The following FBXO25 variants were observed in gnomAD, a reference collection of about 807,000 sequenced individuals.
FBXO25 encodes the protein F-box only protein 25.
In FBXO25, 45 loss-of-function variants were observed where a neutral mutation model predicts 51.9. That is an observed-to-expected ratio of 0.87 (90% CI 0.68 to 1.11). The LOEUF is 1.11. Among genes scored for constraint, FBXO25 ranks in the 50% most tolerant of loss-of-function variants. The pLI is 0.00. For missense variants in FBXO25, 507 were observed against 428.5 expected (o/e 1.18, Z -1.62); for synonymous variants, 199 against 151.0 (o/e 1.32, Z -2.33).
At chr8:416,858 G>A (rs962276057) in intron 2 of FBXO25, among the ~76,000 whole-genome samples, 2 of 152,238 alleles carry the variant, frequency 1.3e-5, no homozygotes, top group Non-Finnish European at 2.9e-5. Flanking sequence ...CAGATAGGCA[G>A]TGGACAAGAT....
At chr8:454,141 G>A (rs1273547711) in intron 7 of FBXO25, among the ~76,000 whole-genome samples, 4 of 152,126 alleles carry the variant, frequency 2.6e-5, no homozygotes, top group South Asian at 4.1e-4. Flanking sequence ...GAAATACCTC[G>A]ACACCCCTTA....
At chr8:428,258 G>C (rs1256333677) in intron 2 of FBXO25, among the ~76,000 whole-genome samples, 1 of 152,148 alleles carries the variant, frequency 6.6e-6, no homozygotes, top group East Asian at 1.9e-4. Context: ...TTGCTAGCAA[G>C]GGGGTGACGT....
chr8:476,725 G>C lies in FBXO25; in HGVS notation c.*7921G>C, dbSNP rs1287032781. The stretch of plus-strand genomic sequence containing the variant: ...TCCTGGTTTTTAGTTGTTTTTCTTA[G>C]TCACTCTTAGCTATCAACAAACTCT... On this transcript the variant is annotated 3_prime_UTR_variant, in exon 10 of 10. Coordinates refer to ENST00000350302, the MANE Select transcript of FBXO25 (RefSeq NM_183420.2). 1 of 151,786 alleles carries C rather than the reference G, an allele frequency of 6.6e-6. No individual in the cohort carries two copies. The highest frequency in any genetic ancestry group is 1.5e-5 in the Non-Finnish European group (1 of 67,946). 9.4% of individuals were successfully genotyped at this position (151,786 alleles called of 1,614,324 possible). A position where few individuals can be genotyped will look rare whatever the true frequency, so the allele number is the denominator to read the frequency against.
chr8:418,996 A>C (rs1317703115), intron 2 of FBXO25, among the ~76,000 whole-genome samples: 2 of 152,194 alleles, frequency 1.3e-5, no homozygotes, highest in Non-Finnish European at 2.9e-5. Flanking sequence ...CCACACAAAA[A>C]CCACAAGCTG....
intron 7 of FBXO25, among the ~76,000 whole-genome samples, chr8:457,311 G>T (rs1799506962): frequency 1.3e-5 from 2 of 152,190 alleles, no homozygotes; most frequent in African/African-American, 4.8e-5. Flanking sequence ...GTCTGAAACA[G>T]TTTGAGCTCA....
rs1376034179 is a variant in FBXO25 at position 469,563 on chromosome 8, T to TATC, written c.*760_*762dup. ...AATAGACAAAGTAATAAATCATGTT[T>TATC]ATCTATTGATTTAAACTTCATCAGT... On this transcript the variant is annotated 3_prime_UTR_variant, in exon 10 of 10. Transcript: ENST00000350302. 2.6e-5 allele frequency: 4 copies of TATC among 152,250 alleles called. No homozygotes were observed. The highest frequency in any genetic ancestry group is 9.6e-5 in the African/African-American group (4 of 41,470). The allele number at this position is 152,250 out of a possible 1,614,324, so 9.4% of individuals were successfully genotyped here. A position where few individuals can be genotyped will look rare whatever the true frequency, so the allele number is the denominator to read the frequency against.
intron 5 of FBXO25, among the ~76,000 whole-genome samples, chr8:442,810 C>G (rs959285961): frequency 3.9e-5 from 6 of 152,164 alleles, no homozygotes; most frequent in East Asian, 1.9e-4. Context: ...AAGATATCTT[C>G]TAATTTCCTA....
chr8:457,900 G>C (rs192395799), intron 7 of FBXO25, among the ~76,000 whole-genome samples: 139 of 152,330 alleles, frequency 9.1e-4, no homozygotes, highest in Admixed American at 7.1e-3. Flanking sequence ...GGGGTGACCA[G>C]CTGTGACCCA....
At chr8:422,140 A>G (rs187405206) in intron 2 of FBXO25, among the ~76,000 whole-genome samples, 24 of 152,204 alleles carry the variant, frequency 1.6e-4, no homozygotes, top group Admixed American at 3.9e-4. Flanking sequence ...GAAATAGAAT[A>G]TCTGCCAAGT....
intron 4 of FBXO25, 121 bp downstream of exon 4, chr8:433,056 A>G (rs552467589): frequency 1.6e-4 from 201 of 1,225,846 alleles, no homozygotes; most frequent in East Asian, 8.3e-4. Context: ...TATCAGATCT[A>G]TGGTTCACAT....
intron 5 of FBXO25, among the ~76,000 whole-genome samples, chr8:436,363 A>C (rs1798103405): frequency 1.3e-5 from 2 of 152,230 alleles, no homozygotes; most frequent in South Asian, 2.1e-4. Flanking sequence ...TTGTGTTTCT[A>C]ATGGTTCTGT....
intron 5 of FBXO25, among the ~76,000 whole-genome samples, chr8:442,287 A>ATTT (rs57747775): frequency 8.7e-4 from 130 of 149,080 alleles, no homozygotes; most frequent in African/African-American, 3.1e-3. Context: ...TACTCCAATT[A>ATTT]TTTTTTTTTT....
At position 451,399 on chromosome 8, in the gene FBXO25, A is replaced by T. The variant is rs764009229; in HGVS notation, c.606A>T (p.Arg202=). ...GAAACATCAATATTTGGATTTGCCGATTAGAAACTATTCTCGCCTGGCAAC... is the reference window on the plus strand; with the variant it reads ...GAAACATCAATATTTGGATTTGCCGTTTAGAAACTATTCTCGCCTGGCAAC... ...LVGNINIWIC[R]LETILAWQQQ... The change falls in exon 7 of 10, where the codon CGA becomes CGT. Residue 202 remains arginine (R), a synonymous_variant. Coordinates refer to ENST00000350302, the MANE Select transcript of FBXO25 (RefSeq NM_183420.2). 34 of 1,613,882 alleles carry T rather than the reference A, an allele frequency of 2.1e-5. No homozygotes were observed. Among genetic ancestry groups the T allele is most frequent in the Non-Finnish European group, 2.8e-5 (33 of 1,179,968 alleles).
intron 1 of FBXO25, among the ~76,000 whole-genome samples, chr8:407,841 C>G (rs577579537): frequency 6.6e-6 from 1 of 152,228 alleles, no homozygotes; most frequent in African/African-American, 2.4e-5. Flanking sequence ...AATTTTGCAT[C>G]CTTCCCCTCA....
chr8:464,034 A>T (rs977357355), intron 9 of FBXO25, among the ~76,000 whole-genome samples: 1 of 152,104 alleles, frequency 6.6e-6, no homozygotes, highest in Non-Finnish European at 1.5e-5. Context: ...CAGTGGCGCA[A>T]TTATGGCTCA....
chr8:445,427 T>G (rs1798677769), intron 5 of FBXO25, among the ~76,000 whole-genome samples: 1 of 152,244 alleles, frequency 6.6e-6, no homozygotes, highest in South Asian at 2.1e-4. Flanking sequence ...CCAAATGTTG[T>G]CTCAGGGGTC....
chr8:441,252 A>G (rs1798408586), intron 5 of FBXO25, among the ~76,000 whole-genome samples: 1 of 152,222 alleles, frequency 6.6e-6, no homozygotes, highest in South Asian at 2.1e-4. Context: ...CCTGACAAAA[A>G]CAAGCAATGG....
chr8:423,466 C>A (rs1797280912), intron 2 of FBXO25, among the ~76,000 whole-genome samples: 1 of 151,884 alleles, frequency 6.6e-6, no homozygotes, highest in South Asian at 2.1e-4. Flanking sequence ...TTCTAGTAGT[C>A]CCCAGTGTCT....
intron 8 of FBXO25, among the ~76,000 whole-genome samples, 154 bp downstream of exon 8, chr8:458,705 G>C (rs1799612690): frequency 6.6e-6 from 1 of 152,080 alleles, no homozygotes; most frequent in Non-Finnish European, 1.5e-5. Flanking sequence ...GATTGCTGTG[G>C]GTTCTCTCCT....
Sources: gnomAD v4.1 joint callset for allele counts (sites outside exome capture counted in the v4.1 genomes callset) on GRCh38, gnomAD v4.1.1 for gene constraint, MANE v1.5 for transcripts, NCBI Gene and HGNC (gene_info 2026-07-23, HGNC 2026-07-21) for gene names.